Variants in C7orf57 observed in about 807,000 individuals in gnomAD.
The protein encoded by C7orf57 is chromosome 7 open reading frame 57.
Under a neutral mutation model 39.0 loss-of-function variants are expected in C7orf57, and 33 were observed. The ratio of observed to expected loss-of-function variants is 0.85; its 90% CI spans 0.64 to 1.13. The LOEUF (loss-of-function observed/expected upper bound fraction) is 1.13. Ranked by LOEUF, C7orf57 falls within the 50% of genes most tolerant of loss-of-function variation. The pLI, the probability that C7orf57 is intolerant of heterozygous loss-of-function variation, is 0.00. For missense variants in C7orf57, 346 were observed against 362.3 expected, an observed-to-expected ratio of 0.95 and a Z score of 0.37; for synonymous variants, 124 against 137.1, an observed-to-expected ratio of 0.90 and a Z score of 0.67.
chr7:48,052,998 A>T, intron 7 of C7orf57, 75 bp downstream of exon 7: 1 of 1,206,056 alleles, frequency 8.3e-7, no homozygotes, highest in Non-Finnish European at 1.2e-6. Context: ...TTCTTATCAC[A>T]TGATGCGTCT....
intron 4 of C7orf57, among the ~76,000 whole-genome samples, chr7:48,044,207 G>A (rs1562625115): frequency 6.6e-6 from 1 of 152,176 alleles, no homozygotes; most frequent in Non-Finnish European, 1.5e-5. Flanking sequence ...CGGAGAGGTG[G>A]AAATTAGCGG....
At chr7:48,040,410 G>T (rs1481893015) in intron 2 of C7orf57, among the ~76,000 whole-genome samples, 1 of 152,164 alleles carries the variant, frequency 6.6e-6, no homozygotes, top group Admixed American at 6.5e-5. Context: ...TCTCAAGGGA[G>T]CCACACCCAG....
chr7:48,053,209 A>G, intron 7 of C7orf57: 1 of 482,562 alleles, frequency 2.1e-6, no homozygotes, highest in Admixed American at 2.9e-5. Context: ...CAAACAAATA[A>G]TATACCAAAT....
chr7:48,045,066 C>T (rs1790674635), intron 4 of C7orf57, among the ~76,000 whole-genome samples: 1 of 152,138 alleles, frequency 6.6e-6, no homozygotes, highest in Non-Finnish European at 1.5e-5. Flanking sequence ...CCCCATATGT[C>T]CTTACCAATT....
intron 6 of C7orf57, among the ~76,000 whole-genome samples, chr7:48,050,365 G>A (rs1790838856): frequency 1.3e-5 from 2 of 152,202 alleles, no homozygotes; most frequent in African/African-American, 4.8e-5. Context: ...CTGAACTGAG[G>A]TGTCCGCGCC....
chr7:48,050,231 C>G (rs967610886), intron 6 of C7orf57, among the ~76,000 whole-genome samples: 3 of 152,208 alleles, frequency 2.0e-5, no homozygotes, highest in African/African-American at 7.2e-5. Flanking sequence ...GGCTCTGCTT[C>G]TCCATCAGGC....
intron 8 of C7orf57, among the ~76,000 whole-genome samples, chr7:48,054,919 C>A (rs994849073): frequency 6.6e-6 from 1 of 152,064 alleles, no homozygotes; most frequent in Non-Finnish European, 1.5e-5. Flanking sequence ...CTCTGTCGCC[C>A]AGGCTGGAGT....
chr7:48,051,877 C>CCTTCCT lies in C7orf57; in HGVS notation c.606-823_606-822insCTTCCT, dbSNP rs1272186817. On this transcript the variant is annotated intron_variant, in intron 6 of 8. Transcript: ENST00000348904. The stretch of plus-strand genomic sequence containing the variant: ...TTTCTTTCTTTCTTTCTTTCTCTTT[C>CCTTCCT]TCTTTCTTTCTTTCCTTCCTTCCTT... Among the ~76,000 whole-genome samples, 188 of 39,072 alleles carry CCTTCCT rather than the reference C, an allele frequency of 4.8e-3. 13 individuals carry two copies. The highest frequency in any genetic ancestry group is 7.8e-3 in the South Asian group (8 of 1,032). 25.6% of individuals were successfully genotyped at this position (39,072 alleles called of 152,430 possible).
Position 48,061,105 on chromosome 7 carries a change from T to A in C7orf57, c.*833T>A, listed in dbSNP as rs540884957. ...ATAAAGTCACAGATATTTTAGCTTC[T>A]TTCCCAGAATAAACTTATCATGCAT... On this transcript the variant is annotated 3_prime_UTR_variant, in exon 9 of 9. Transcript: ENST00000348904. 21 of 152,308 alleles carry A rather than the reference T, an allele frequency of 1.4e-4. No individual in the cohort carries two copies. In the South Asian group the frequency reaches 2.5e-3, roughly 18 times the overall value. The allele number at this position is 152,308 out of a possible 1,614,324, so 9.4% of individuals were successfully genotyped here.
chr7:48,047,143 A>G (rs567134480), intron 5 of C7orf57, among the ~76,000 whole-genome samples: 1 of 152,244 alleles, frequency 6.6e-6, no homozygotes, highest in East Asian at 1.9e-4. Context: ...GTTGGAAGCA[A>G]TCTTGAATTG....
chr7:48,052,195 A>C lies in C7orf57; in HGVS notation c.606-505A>C, dbSNP rs189082706. 3.7e-3 allele frequency among the ~76,000 whole-genome samples: 569 copies of C among 151,880 alleles called. 16 individuals are homozygous for C. The highest frequency in any genetic ancestry group is 0.035 in the Admixed American group (527 of 15,270). The stretch of plus-strand genomic sequence containing the variant: ...CACCAGGTTGACCAGGATGGCCTCG[A>C]TCTCTTGACCTCATGGCTGCCTGCC... On this transcript the variant is annotated intron_variant, in intron 6 of 8. Transcript: ENST00000348904.
At chr7:48,057,643 C>A (rs1460896182) in intron 8 of C7orf57, among the ~76,000 whole-genome samples, 1 of 152,108 alleles carries the variant, frequency 6.6e-6, no homozygotes, top group African/African-American at 2.4e-5. Flanking sequence ...GCTAAGACTT[C>A]AGGTACTAAG....
At chr7:48,049,070 C>T (rs112685438) in intron 5 of C7orf57, among the ~76,000 whole-genome samples, 1,759 of 152,228 alleles carry the variant, frequency 0.012, 15 homozygotes, top group South Asian at 0.024. Context: ...AACCTCCCCT[C>T]CTCCCAGAGA....
chr7:48,057,065 GTTT>G (rs34277879), intron 8 of C7orf57, among the ~76,000 whole-genome samples: 5 of 143,340 alleles, frequency 3.5e-5, no homozygotes, highest in African/African-American at 1.3e-4. Flanking sequence ...CCATATATCT[GTTT>G]TTTTTTTTTT....
Position 48,049,991 on chromosome 7 carries a change from C to T in C7orf57, c.605+14C>T, listed in dbSNP as rs1166192500. On this transcript the variant is annotated intron_variant, in intron 6 of 8. Coordinates refer to ENST00000348904, the MANE Select transcript of C7orf57 (RefSeq NM_001100159.3). ...CTTCCCCCCCGTGTAAGTGCTTGAG[C>T]TACGCCCTCACTGTCTGGACTGGGT... The T allele has an allele frequency of 2.6e-6, 4 of 1,553,630 alleles. No homozygotes were observed. Among genetic ancestry groups the T allele is most frequent in the South Asian group, 1.1e-5 (1 of 89,744 alleles).
At chr7:48,040,696 C>T (rs1380419180) in intron 2 of C7orf57, among the ~76,000 whole-genome samples, 1 of 152,124 alleles carries the variant, frequency 6.6e-6, no homozygotes, top group East Asian at 1.9e-4. Context: ...TCACACTGTA[C>T]TCGCTCATAT....
chr7:48,041,060 G>A (rs1208360522), intron 2 of C7orf57, among the ~76,000 whole-genome samples: 2 of 152,138 alleles, frequency 1.3e-5, no homozygotes, highest in Non-Finnish European at 2.9e-5. Flanking sequence ...CCTGGGAAGC[G>A]AAAGCACCCA....
At chr7:48,051,911 TTTCTC>T (rs1379127321) in intron 6 of C7orf57, among the ~76,000 whole-genome samples, 3 of 133,584 alleles carry the variant, frequency 2.2e-5, no homozygotes, top group Non-Finnish European at 3.2e-5. Flanking sequence ...TTCCTTTTCT[TTTCTC>T]TTCTCTTTCT....
intron 6 of C7orf57, among the ~76,000 whole-genome samples, chr7:48,050,929 A>G (rs1325939247): frequency 6.6e-6 from 1 of 152,034 alleles, no homozygotes; most frequent in Non-Finnish European, 1.5e-5. Context: ...TCTGTCTCTC[A>G]AAGTGCTGAG....
Sources: gnomAD v4.1 joint callset for allele counts (sites outside exome capture counted in the v4.1 genomes callset) on GRCh38, gnomAD v4.1.1 for gene constraint, MANE v1.5 for transcripts, NCBI Gene and HGNC (gene_info 2026-07-23, HGNC 2026-07-21) for gene names.